ANKRD26: variants seen among roughly 807,000 people sequenced by gnomAD.
ANKRD26 encodes ankyrin repeat domain 26.
ANKRD26 carries 141 observed loss-of-function variants against 208.7 expected under a neutral mutation model. The observed-to-expected ratio is 0.68, with a 90% CI of 0.59 to 0.78. The LOEUF (loss-of-function observed/expected upper bound fraction) is 0.78, where lower values mean the gene tolerates loss of function less well. Ranked by LOEUF, ANKRD26 falls within the 30% of genes least tolerant of loss-of-function variation. The pLI is 0.00. For synonymous variants in ANKRD26, 636 were observed against 660.4 expected (o/e 0.96, Z 0.57); for missense variants, 1,889 against 1,938.7 (o/e 0.97, Z 0.48).
chr10:27,044,062 G>A, intron 19 of ANKRD26, 95 bp downstream of exon 19: 2 of 942,150 alleles, frequency 2.1e-6, no homozygotes, highest in South Asian at 3.7e-5. Context: ...CCAAAGTGCT[G>A]AGATTACAGG....
intron 9 of ANKRD26, among the ~76,000 whole-genome samples, chr10:27,069,189 C>T (rs1380122886): frequency 2.9e-5 from 2 of 67,856 alleles, no homozygotes; most frequent in Admixed American, 2.4e-4. Context: ...AGTGAGACGT[C>T]GTCTCAAAAA....
chr10:27,095,143 T>C (rs540183820), intron 1 of ANKRD26, among the ~76,000 whole-genome samples: 4 of 152,326 alleles, frequency 2.6e-5, no homozygotes, highest in South Asian at 4.1e-4. Context: ...ATTTTTAAAA[T>C]TGAAAAACAG....
At chr10:26,993,907 C>T (rs2052533394) in intron 5 of ANKRD26, among the ~76,000 whole-genome samples, 1 of 152,152 alleles carries the variant, frequency 6.6e-6, no homozygotes, top group Non-Finnish European at 1.5e-5. Flanking sequence ...TCATGGGCCA[C>T]AGTGGGTGGC....
At chr10:27,071,233 T>G (rs1384803985) in intron 9 of ANKRD26, among the ~76,000 whole-genome samples, 1 of 144,760 alleles carries the variant, frequency 6.9e-6, no homozygotes, top group African/African-American at 2.6e-5. Context: ...TGGCGCGATC[T>G]CGGCTCACTG....
chr10:27,030,370 G>C (rs1162850060), intron 25 of ANKRD26: 1 of 983,524 alleles, frequency 1.0e-6, no homozygotes, highest in African/African-American at 1.7e-5. Flanking sequence ...AGCACCTCCT[G>C]GAATAAGTAA....
chr10:27,035,210 G>A lies in ANKRD26; in HGVS notation c.3240C>T (p.Phe1080=). ...CTCTGAGGGCATCTCTCGTGTGATG[G>A]AACTCAATTTCTAGGCTATTGAGTT... is the stretch of plus-strand genomic sequence containing the variant. The part of the protein sequence containing the change: ...ESKLNSLEIE[F]HHTRDALREK... The change falls in exon 24 of 34, where the codon TTC becomes TTT. Residue 1080 remains phenylalanine (F), a synonymous_variant. Transcript: ENST00000376087. 6 of 1,614,008 alleles carry A rather than the reference G, an allele frequency of 3.7e-6. No individual in the cohort carries two copies. The highest frequency in any genetic ancestry group is 1.1e-5 in the South Asian group (1 of 91,070).
chr10:26,964,116 C>T, the ANKRD26 span, among the ~76,000 whole-genome samples: 1 of 151,588 alleles, frequency 6.6e-6, no homozygotes, highest in Non-Finnish European at 1.5e-5. Context: ...ATCATATTGG[C>T]CAGGCTGGTC....
chr10:27,019,296 T>C (rs1435337910), intron 29 of ANKRD26, among the ~76,000 whole-genome samples: 1 of 151,836 alleles, frequency 6.6e-6, no homozygotes, highest in African/African-American at 2.4e-5. Context: ...TTTTAAAAAA[T>C]AGTAATAAAA....
At chr10:26,958,361 C>G in the ANKRD26 span, among the ~76,000 whole-genome samples, 1 of 152,126 alleles carries the variant, frequency 6.6e-6, no homozygotes, top group South Asian at 2.1e-4. Flanking sequence ...GCTAGGGTTA[C>G]AGGCATGAGC....
At chr10:26,976,188 C>A (rs189470955) in intron 5 of ANKRD26, among the ~76,000 whole-genome samples, 1 of 151,384 alleles carries the variant, frequency 6.6e-6, no homozygotes, top group Non-Finnish European at 1.5e-5. Flanking sequence ...GCATTCTTTG[C>A]ACCTCTTGTA....
chr10:27,066,083 C>T (rs891688667), intron 11 of ANKRD26, among the ~76,000 whole-genome samples: 1 of 151,560 alleles, frequency 6.6e-6, no homozygotes, highest in African/African-American at 2.4e-5. Flanking sequence ...GGATGGTCTC[C>T]ATATCCTGAC....
At chr10:26,949,789 C>G in the ANKRD26 span, among the ~76,000 whole-genome samples, 5 of 152,298 alleles carry the variant, frequency 3.3e-5, no homozygotes, top group South Asian at 1.0e-3. Context: ...AGGTGTGACC[C>G]ACCGTGCCCA....
chr10:26,966,773 A>G, the ANKRD26 span, among the ~76,000 whole-genome samples: 2 of 152,216 alleles, frequency 1.3e-5, no homozygotes, highest in African/African-American at 4.8e-5. Flanking sequence ...GGTTAAACAC[A>G]TAAGAAATCC....
chr10:26,991,555 G>A (rs929341191), downstream of ANKRD26, among the ~76,000 whole-genome samples: 1 of 151,918 alleles, frequency 6.6e-6, no homozygotes, highest in African/African-American at 2.4e-5. Context: ...TGATTCTCCT[G>A]CCTTAGCCTC....
chr10:27,024,803 A>G (rs2053606073), intron 27 of ANKRD26, among the ~76,000 whole-genome samples: 1 of 152,192 alleles, frequency 6.6e-6, no homozygotes, highest in Non-Finnish European at 1.5e-5. Context: ...TAAAATACTA[A>G]GTGTTAATGA....
the ANKRD26 span, among the ~76,000 whole-genome samples, chr10:26,954,519 A>G: frequency 6.6e-6 from 1 of 152,052 alleles, no homozygotes; most frequent in African/African-American, 2.4e-5. Flanking sequence ...TCAGATTTGT[A>G]CACTAAGATT....
intron 19 of ANKRD26, 92 bp from the exon 20 acceptor site, chr10:27,043,659 AAC>A: frequency 7.8e-7 from 1 of 1,289,938 alleles, no homozygotes; most frequent in Non-Finnish European, 1.1e-6. Flanking sequence ...AATGAGCAAA[AAC>A]ACAGGTATTT....
At chr10:26,970,189 T>A (rs1213589229), downstream of ANKRD26, among the ~76,000 whole-genome samples, 1 of 152,096 alleles carries the variant, frequency 6.6e-6, no homozygotes, top group Non-Finnish European at 1.5e-5. Flanking sequence ...AACTAGGTGA[T>A]TTCTTTGGGG....
At chr10:27,054,281 G>A (rs2054765504) in intron 15 of ANKRD26, among the ~76,000 whole-genome samples, 2 of 152,088 alleles carry the variant, frequency 1.3e-5, no homozygotes, top group South Asian at 2.1e-4. Context: ...TCTAAACACT[G>A]AGGTTTAAAG....
Sources: gnomAD v4.1 joint callset for allele counts (sites outside exome capture counted in the v4.1 genomes callset) on GRCh38, gnomAD v4.1.1 for gene constraint, MANE v1.5 for transcripts, NCBI Gene and HGNC (gene_info 2026-07-23, HGNC 2026-07-21) for gene names.